PPP3CA: variants seen among roughly 807,000 people sequenced by gnomAD.
PPP3CA encodes protein phosphatase 3 catalytic subunit alpha.
Under a neutral mutation model 66.5 loss-of-function variants are expected in PPP3CA, and 14 were observed. The observed-to-expected ratio is 0.21, with a 90% CI of 0.14 to 0.33. The LOEUF is 0.33. Ranked by LOEUF, PPP3CA falls within the 10% of genes least tolerant of loss-of-function variation. The probability of loss-of-function intolerance (pLI) is 1.00; values close to 1 mark genes in which losing one functional copy is unlikely to be tolerated. For synonymous variants in PPP3CA, 232 were observed against 226.2 expected, an observed-to-expected ratio of 1.03 and a Z score of -0.23; for missense variants, 317 against 639.5, an observed-to-expected ratio of 0.50 and a Z score of 5.44.
At chr4:101,158,722 T>C (rs1275427563) in intron 2 of PPP3CA, among the ~76,000 whole-genome samples, 2 of 152,122 alleles carry the variant, frequency 1.3e-5, no homozygotes, top group Non-Finnish European at 2.9e-5. Context: ...TGGTATCTGG[T>C]TATTCAATAC....
intron 8 of PPP3CA, among the ~76,000 whole-genome samples, chr4:101,068,950 TG>T (rs1474336794): frequency 6.6e-6 from 1 of 152,188 alleles, no homozygotes; most frequent in African/African-American, 2.4e-5. Context: ...TTCTTCAGTA[TG>T]GGAAAGTTAA....
chr4:101,083,574 A>C (rs1729533076), intron 6 of PPP3CA, among the ~76,000 whole-genome samples: 1 of 152,266 alleles, frequency 6.6e-6, no homozygotes, highest in African/African-American at 2.4e-5. Context: ...ATTTAAAGAC[A>C]AAGTGAACGG....
At chr4:101,153,572 T>C (rs1270162152) in intron 2 of PPP3CA, among the ~76,000 whole-genome samples, 1 of 152,184 alleles carries the variant, frequency 6.6e-6, no homozygotes, top group African/African-American at 2.4e-5. Context: ...AAGAATCACG[T>C]CAACAAAGAG....
At chr4:101,308,140 G>C (rs752524344) in intron 1 of PPP3CA, among the ~76,000 whole-genome samples, 13 of 152,084 alleles carry the variant, frequency 8.5e-5, no homozygotes, top group Non-Finnish European at 1.5e-4. Flanking sequence ...TCCTGTATGT[G>C]CTCTCATAGA....
intron 1 of PPP3CA, among the ~76,000 whole-genome samples, chr4:101,253,046 T>A (rs1726728405): frequency 6.6e-6 from 1 of 152,130 alleles, no homozygotes; most frequent in South Asian, 2.1e-4. Flanking sequence ...CCAACTCTGA[T>A]TAAGCTGAAA....
intron 6 of PPP3CA, among the ~76,000 whole-genome samples, chr4:101,087,503 CCTGG>C (rs1251290058): frequency 6.6e-6 from 1 of 152,112 alleles, no homozygotes; most frequent in Non-Finnish European, 1.5e-5. Flanking sequence ...TAACCAGTAT[CCTGG>C]CTTATAGCAT....
At chr4:101,210,881 T>A (rs1725278857) in intron 1 of PPP3CA, among the ~76,000 whole-genome samples, 1 of 152,182 alleles carries the variant, frequency 6.6e-6, no homozygotes, top group Admixed American at 6.6e-5. Context: ...TTCTTAAATA[T>A]CATCCAATTT....
At chr4:101,050,909 AT>A (rs1192183893) in intron 10 of PPP3CA, among the ~76,000 whole-genome samples, 2 of 152,146 alleles carry the variant, frequency 1.3e-5, no homozygotes, top group African/African-American at 4.8e-5. Context: ...CTCTCTGTAA[AT>A]TAAATGATGT....
intron 2 of PPP3CA, among the ~76,000 whole-genome samples, chr4:101,167,193 T>G (rs543505168): frequency 6.6e-6 from 1 of 152,174 alleles, no homozygotes; most frequent in Non-Finnish European, 1.5e-5. Flanking sequence ...TTAGGGGAGA[T>G]AATCTTTAGA....
chr4:101,040,699 T>C (rs1342099135), intron 10 of PPP3CA, 133 bp from the exon 11 acceptor site: 1 of 651,200 alleles, frequency 1.5e-6, no homozygotes, highest in Admixed American at 3.7e-5. Context: ...AGAGGATTTA[T>C]CTGTAAATCA....
At chr4:101,122,414 G>A (rs1035880328) in intron 2 of PPP3CA, among the ~76,000 whole-genome samples, 2 of 152,180 alleles carry the variant, frequency 1.3e-5, no homozygotes, top group African/African-American at 4.8e-5. Context: ...ACAGGTACAT[G>A]TGTGCATATG....
intron 2 of PPP3CA, among the ~76,000 whole-genome samples, chr4:101,131,158 C>T (rs1244511827): frequency 6.6e-6 from 1 of 151,840 alleles, no homozygotes. Context: ...ACTGCTTGAA[C>T]CCAAGAGTTG....
intron 1 of PPP3CA, among the ~76,000 whole-genome samples, chr4:101,296,093 A>T (rs951607018): frequency 6.6e-6 from 1 of 152,156 alleles, no homozygotes; most frequent in Admixed American, 6.5e-5. Context: ...TTGACTGTTT[A>T]ACCTTAGAAT....
intron 2 of PPP3CA, among the ~76,000 whole-genome samples, chr4:101,127,183 A>AC (rs1191248449): frequency 1.3e-5 from 2 of 151,092 alleles, no homozygotes; most frequent in Non-Finnish European, 2.9e-5. Flanking sequence ...CTTCCACCTC[A>AC]CCCCCAACTC....
rs74774169 is a variant in PPP3CA, at chr4:101,152,671, C to T, written c.259+43245G>A. ...TTAAGTCCTTGTACAACTCTTTCTC[C>T]TTATCAACCAATCAACCAGTCAATC... On this transcript the variant is annotated intron_variant, in intron 2 of 13. Transcript: ENST00000394854. Among the ~76,000 whole-genome samples the T allele has an allele frequency of 1.1e-3, 173 of 152,284 alleles. 1 individual carries two copies. The highest frequency in any genetic ancestry group is 3.9e-3 in the African/African-American group (164 of 41,558).
At position 101,309,237 on chromosome 4, in the gene PPP3CA, C is replaced by T. The variant is rs112331375; in HGVS notation, c.58+37502G>A. ...AGCAAGGCCTTTGTCATCTATGGAACAGAAAGGAAACAAAACGATACTACA... is the reference window on the plus strand; with the variant it reads ...AGCAAGGCCTTTGTCATCTATGGAATAGAAAGGAAACAAAACGATACTACA... On this transcript the variant is annotated intron_variant, in intron 1 of 13. Coordinates refer to ENST00000394854, the MANE Select transcript of PPP3CA (RefSeq NM_000944.5). Among the ~76,000 whole-genome samples the T allele has an allele frequency of 3.0e-3, 451 of 152,208 alleles. 4 individuals are homozygous for T. The highest frequency in any genetic ancestry group is 0.01 in the African/African-American group (428 of 41,522).
chr4:101,233,559 A>G (rs909617748), intron 1 of PPP3CA, among the ~76,000 whole-genome samples: 1 of 151,822 alleles, frequency 6.6e-6, no homozygotes, highest in Non-Finnish European at 1.5e-5. Context: ...ATTCACTTCT[A>G]TAAGGAATTC....
At chr4:101,234,905 A>G (rs1290983139) in intron 1 of PPP3CA, among the ~76,000 whole-genome samples, 1 of 151,780 alleles carries the variant, frequency 6.6e-6, no homozygotes, top group African/African-American at 2.4e-5. Context: ...ATATTATTCT[A>G]AAATTATTAA....
At chr4:101,101,224 T>C (rs893090691) in intron 3 of PPP3CA, among the ~76,000 whole-genome samples, 8 of 152,174 alleles carry the variant, frequency 5.3e-5, no homozygotes, top group Non-Finnish European at 1.0e-4. Flanking sequence ...AGCATCATGA[T>C]CTGTTGATGT....
Sources: gnomAD v4.1 joint callset for allele counts (sites outside exome capture counted in the v4.1 genomes callset) on GRCh38, gnomAD v4.1.1 for gene constraint, MANE v1.5 for transcripts, NCBI Gene and HGNC (gene_info 2026-07-23, HGNC 2026-07-21) for gene names.